The following CMAS variants were observed in gnomAD, a reference collection of about 807,000 sequenced individuals.
CMAS encodes the protein cytidine monophosphate N-acetylneuraminic acid synthetase.
In CMAS, 21 loss-of-function variants were observed where a neutral mutation model predicts 53.4. The observed-to-expected ratio is 0.39, with a 90% CI of 0.28 to 0.57. The LOEUF (loss-of-function observed/expected upper bound fraction) is 0.57, where lower values mean the gene tolerates loss of function less well. CMAS is among the 20% of genes least tolerant of loss of function. The probability of loss-of-function intolerance (pLI) is 0.56; values close to 1 mark genes in which losing one functional copy is unlikely to be tolerated. For missense variants in CMAS, 384 were observed against 534.9 expected, an observed-to-expected ratio of 0.72 and a Z score of 2.78; for synonymous variants, 189 against 195.2, an observed-to-expected ratio of 0.97 and a Z score of 0.27.
rs769839920 is a variant in CMAS, at chr12:22,046,397, C to T, written c.94C>T (p.Arg32Cys). The T allele has an allele frequency of 1.3e-6, 2 of 1,586,280 alleles. No individual in the cohort carries two copies. Among genetic ancestry groups the T allele is most frequent in the South Asian group, 1.2e-5 (1 of 86,488 alleles). The part of the protein sequence containing the change: ...GRPPKLQRNS[R>C]GGQGRGVEKP... ...GCCGCCGAAGCTGCAGCGCAACTCT[C>T]GCGGCGGCCAGGGCCGAGGTGTGGA... Residue 32 changes from arginine to cysteine, a missense_variant, in exon 1 of 8, where the codon CGC becomes TGC. By Grantham distance (180) the Arg-to-Cys change is radical. Around this residue, in one of 3 missense-constraint regions of CMAS, gnomAD observed 111 missense variants for 132.2 expected, o/e 0.84. Transcript: ENST00000229329.
intron 3 of CMAS, among the ~76,000 whole-genome samples, chr12:22,056,867 T>C (rs1323825896): frequency 1.3e-5 from 2 of 152,146 alleles, no homozygotes; most frequent in African/African-American, 2.4e-5. Context: ...TCAGCAGATA[T>C]GACCAGGGAG....
chr12:22,059,144 ATATAT>A (rs931987594), intron 4 of CMAS, among the ~76,000 whole-genome samples: 3 of 121,350 alleles, frequency 2.5e-5, no homozygotes, highest in African/African-American at 1.1e-4. Context: ...ATATATATAT[ATATAT>A]TTTTTTTTTT....
At chr12:22,047,705 C>T (rs1465056520) in intron 1 of CMAS, among the ~76,000 whole-genome samples, 1 of 152,106 alleles carries the variant, frequency 6.6e-6, no homozygotes, top group Admixed American at 6.6e-5. Flanking sequence ...AGGGAAGGAC[C>T]TGGGGATTTT....
intron 1 of CMAS, among the ~76,000 whole-genome samples, chr12:22,048,156 G>A (rs938071593): frequency 1.3e-5 from 2 of 152,206 alleles, no homozygotes; most frequent in East Asian, 1.9e-4. Flanking sequence ...ACCGAACCAC[G>A]TGTAGTAGCA....
intron 4 of CMAS, among the ~76,000 whole-genome samples, chr12:22,059,148 ATT>A (rs10615874): frequency 0.15 from 20,678 of 139,354 alleles, 1,942 homozygotes; most frequent in East Asian, 0.39. Context: ...ATATATATAT[ATT>A]TTTTTTTTTT....
At chr12:22,062,710 C>T (rs1950316829) in intron 7 of CMAS, among the ~76,000 whole-genome samples, 1 of 152,128 alleles carries the variant, frequency 6.6e-6, no homozygotes, top group Non-Finnish European at 1.5e-5. Context: ...ATGTTGTTTC[C>T]TCATCTGTAA....
At chr12:22,058,752 T>G in intron 4 of CMAS, 52 bp downstream of exon 4, 2 of 1,581,912 alleles carry the variant, frequency 1.3e-6, no homozygotes, top group Non-Finnish European at 1.7e-6. Flanking sequence ...TAGGCATACT[T>G]TGAGTTCTAG....
chr12:22,054,220 C>T (rs1483035941), intron 1 of CMAS, among the ~76,000 whole-genome samples: 5 of 152,074 alleles, frequency 3.3e-5, no homozygotes, highest in African/African-American at 1.2e-4. Context: ...AGACTCCAGG[C>T]CTGACCAAAC....
At position 22,065,290 on chromosome 12, in the gene CMAS, T is replaced by C. The variant is rs1404791370; in HGVS notation, c.1284T>C (p.Val428=). The change falls in exon 8 of 8, where the codon GTT becomes GTC. Residue 428 remains valine, a synonymous_variant. Transcript: ENST00000229329. ...ACATTTGCCTACTAATGGAAAAGGT[T>C]AATAATTCATGCCAAAAATAGAAAT... ...AEHICLLMEK[V]NNSCQK 1 of 1,610,854 alleles carries C rather than the reference T, an allele frequency of 6.2e-7. No individual in the cohort carries two copies. Among genetic ancestry groups the C allele is most frequent in the African/African-American group, 1.3e-5 (1 of 74,852 alleles).
chr12:22,047,884 A>G (rs1950216774), intron 1 of CMAS, among the ~76,000 whole-genome samples: 1 of 152,240 alleles, frequency 6.6e-6, no homozygotes, highest in African/African-American at 2.4e-5. Context: ...AAGTAGGTGC[A>G]TCCAGACTGC....
chr12:22,059,735 T>C (rs1286408319), intron 4 of CMAS, among the ~76,000 whole-genome samples: 9 of 152,198 alleles, frequency 5.9e-5, no homozygotes, highest in Non-Finnish European at 1.3e-4. Flanking sequence ...CACACATAGA[T>C]ACTACCATTT....
chr12:22,053,362 T>C (rs1300181017), intron 1 of CMAS, among the ~76,000 whole-genome samples: 1 of 143,020 alleles, frequency 7.0e-6, no homozygotes, highest in Non-Finnish European at 1.5e-5. Flanking sequence ...AGGAAAAATA[T>C]ATATGTGTGT....
intron 1 of CMAS, among the ~76,000 whole-genome samples, chr12:22,053,559 A>T (rs1950249262): frequency 6.6e-6 from 1 of 151,298 alleles, no homozygotes; most frequent in Admixed American, 6.6e-5. Context: ...ATAAGTCATT[A>T]AGATATCTTT....
At chr12:22,057,174 C>G (rs1485345929) in intron 3 of CMAS, among the ~76,000 whole-genome samples, 1 of 151,310 alleles carries the variant, frequency 6.6e-6, no homozygotes, top group Admixed American at 6.6e-5. Flanking sequence ...CCTGTATAAA[C>G]ACAGAAATGG....
chr12:22,055,205 C>T lies in CMAS; in HGVS notation c.317C>T (p.Ala106Val), dbSNP rs1389553576. 1 of 1,612,896 alleles carries T rather than the reference C, an allele frequency of 6.2e-7. No homozygotes were observed. The change falls in exon 2 of 8, where the codon GCA becomes GTA. Residue 106 changes from alanine to valine, a missense_variant. By Grantham distance (64) the Ala-to-Val change is moderately conservative. Coordinates refer to ENST00000229329, the MANE Select transcript of CMAS (RefSeq NM_018686.6). Reference sequence around the variant, plus strand: ...GAGAATGTGGCCAAACAATTTGGTGCACAAGTTCATCGAAGAAGTTCTGAA... The same window carrying T: ...GAGAATGTGGCCAAACAATTTGGTGTACAAGTTCATCGAAGAAGTTCTGAA... ...EIENVAKQFGAQVHRRSSEVS... is the reference protein window; with the variant it reads ...EIENVAKQFGVQVHRRSSEVS...
rs907705513 is a variant in CMAS, at chr12:22,046,348, G to C, written c.45G>C (p.Pro15=). ...EKGAATSVSN[P]RGRPSRGRPP... ...GGGCCGCCACCTCCGTCTCCAACCCGCGGGGGCGACCGTCCCGGGGCCGGC... is the reference window on the plus strand; with the variant it reads ...GGGCCGCCACCTCCGTCTCCAACCCCCGGGGGCGACCGTCCCGGGGCCGGC... Residue 15 remains proline, a synonymous_variant, in exon 1 of 8, where the codon CCG becomes CCC. Transcript: ENST00000229329. The C allele has an allele frequency of 6.6e-7, 1 of 1,521,804 alleles. No individual in the cohort carries two copies. Among genetic ancestry groups the C allele is most frequent in the Non-Finnish European group, 8.8e-7 (1 of 1,133,488 alleles). 94.3% of individuals were successfully genotyped at this position (1,521,804 alleles called of 1,614,324 possible). A position where few individuals can be genotyped will look rare whatever the true frequency, so the allele number is the denominator to read the frequency against.
At chr12:22,054,844 C>G (rs1591793222) in intron 1 of CMAS, among the ~76,000 whole-genome samples, 1 of 152,114 alleles carries the variant, frequency 6.6e-6, no homozygotes, top group Non-Finnish European at 1.5e-5. Context: ...AGCATAGTAC[C>G]TGATAGGTAG....
At chr12:22,064,458 T>C (rs968491725) in intron 7 of CMAS, among the ~76,000 whole-genome samples, 1 of 152,104 alleles carries the variant, frequency 6.6e-6, no homozygotes, top group Admixed American at 6.5e-5. Context: ...CAAAAGACCA[T>C]ATGTTAACCT....
chr12:22,060,333 TAA>T (rs58755366), intron 4 of CMAS, among the ~76,000 whole-genome samples: 1,386 of 54,102 alleles, frequency 0.026, 21 homozygotes, highest in Non-Finnish European at 0.032. Flanking sequence ...GCTTTCTCCT[TAA>T]AAAAAAAAAA....
Sources: gnomAD v4.1 joint callset for allele counts (sites outside exome capture counted in the v4.1 genomes callset) on GRCh38, gnomAD v4.1.1 for gene constraint, gnomAD v4.1.1 regional missense constraint, MANE v1.5 for transcripts, NCBI Gene and HGNC (gene_info 2026-07-23, HGNC 2026-07-21) for gene names.